The following PLCXD1 variants were observed in gnomAD, a reference collection of about 807,000 sequenced individuals.
PLCXD1 encodes the protein PI-PLC X domain-containing protein 1.
In PLCXD1, 45 loss-of-function variants were observed where a neutral mutation model predicts 37.8. The ratio of observed to expected loss-of-function variants is 1.19; its 90% CI spans 0.94 to 1.53. The LOEUF is 1.53. PLCXD1 is among the 40% of genes most tolerant of loss of function. PLCXD1 has a pLI of 0.00. For synonymous variants in PLCXD1, 246 were observed against 206.9 expected, an observed-to-expected ratio of 1.19 and a Z score of -1.62; for missense variants, 539 against 454.7, an observed-to-expected ratio of 1.19 and a Z score of -1.69.
Position 288,771 on chromosome X carries a change from TC to T in PLCXD1, c.171del (p.Ile58PhefsTer12). ...DTMTYCLNKK[S>X]PISHEESRLL... ...GATGACGTACTGCCTGAACAAGAAG[TC>T]CCCCATTTCGCACGAGGAGTCCCGG... On this transcript the variant is annotated frameshift_variant, in exon 3 of 7. Coordinates refer to ENST00000381657, the MANE Select transcript of PLCXD1 (RefSeq NM_018390.4). LOFTEE classifies it high-confidence loss of function. 6.2e-7 allele frequency: 1 copy of T among 1,613,634 alleles called. No homozygotes were observed. Among genetic ancestry groups the T allele is most frequent in the African/African-American group, 1.3e-5 (1 of 74,988 alleles).
chrX:291,687 C>G, intron 5 of PLCXD1, 33 bp downstream of exon 5: 1 of 1,608,312 alleles, frequency 6.2e-7, no homozygotes, highest in South Asian at 1.1e-5. Flanking sequence ...CACGTCTCTC[C>G]CGGGGCAGGG....
Position 281,610 on chromosome X carries a change from G to A in PLCXD1, c.-96G>A, listed in dbSNP as rs904943710. 6.6e-6 allele frequency: 1 copy of A among 152,196 alleles called. No homozygotes were observed. The highest frequency in any genetic ancestry group is 2.4e-5 in the African/African-American group (1 of 41,418). The allele number at this position is 152,196 out of a possible 1,614,324, so 9.4% of individuals were successfully genotyped here. On this transcript the variant is annotated 5_prime_UTR_variant, in exon 1 of 7. Coordinates refer to ENST00000381657, the MANE Select transcript of PLCXD1 (RefSeq NM_018390.4). ...GATCTCGTCCTTTCTTGCGGCCCAG[G>A]GAGACCAGGCCTTTCATTCTGGGCT... is the stretch of plus-strand genomic sequence containing the variant.
chrX:276,981 C>A (rs1341212247), upstream of PLCXD1, among the ~76,000 whole-genome samples: 1 of 152,180 alleles, frequency 6.6e-6, no homozygotes, highest in Non-Finnish European at 1.5e-5. Context: ...CACCGGGCGT[C>A]TGGGCCCGTC....
At chrX:295,503 G>A (rs978640554) in intron 6 of PLCXD1, among the ~76,000 whole-genome samples, 15 of 94,926 alleles carry the variant, frequency 1.6e-4, no homozygotes, top group African/African-American at 4.5e-4. Context: ...ACACAGGAAC[G>A]AGGTTTAGAG....
intron 6 of PLCXD1, among the ~76,000 whole-genome samples, chrX:293,549 C>G (rs928985980): frequency 6.6e-6 from 1 of 152,110 alleles, no homozygotes; most frequent in East Asian, 1.9e-4. Flanking sequence ...CACCTGAGGT[C>G]GGGAGTTCGA....
At chrX:276,909 CG>C (rs2069168049), upstream of PLCXD1, among the ~76,000 whole-genome samples, 1 of 152,216 alleles carries the variant, frequency 6.6e-6, no homozygotes, top group Non-Finnish European at 1.5e-5. Context: ...GCCTCTGGGA[CG>C]TGAGTCTCCC....
At position 300,542 on chromosome X, in the gene PLCXD1, GTATA is replaced by G. The variant is rs201544656; in HGVS notation, c.*1209_*1212del. 7 of 149,466 alleles carry G rather than the reference GTATA, an allele frequency of 4.7e-5. No individual in the cohort carries two copies. The highest frequency in any genetic ancestry group is 1.8e-4 in the African/African-American group (7 of 39,222). 9.3% of individuals were successfully genotyped at this position (149,466 alleles called of 1,614,324 possible). A position where few individuals can be genotyped will look rare whatever the true frequency, so the allele number is the denominator to read the frequency against. ...TATGTGTATACGTGTATGCATACATGTATATGTGTATGCATGTATATGTGTATGT... is the reference window on the plus strand; with the variant it reads ...TATGTGTATACGTGTATGCATACATGTGTGTATGCATGTATATGTGTATGT... On this transcript the variant is annotated 3_prime_UTR_variant, in exon 7 of 7. Transcript: ENST00000381657.
At chrX:285,751 A>G (rs1280672576) in intron 2 of PLCXD1, among the ~76,000 whole-genome samples, 3 of 152,200 alleles carry the variant, frequency 2.0e-5, no homozygotes, top group Middle Eastern at 3.4e-3. Flanking sequence ...ACGGACACAC[A>G]TACACATGCA....
At chrX:294,208 C>T (rs1012427577) in intron 6 of PLCXD1, among the ~76,000 whole-genome samples, 37 of 152,084 alleles carry the variant, frequency 2.4e-4, no homozygotes, top group East Asian at 3.9e-4. Context: ...ACAGGCCGGG[C>T]GCGGTGGCTC....
rs192389130 is a variant in PLCXD1 at position 300,528 on chromosome X, G to T, written c.*1193G>T. The T allele has an allele frequency of 6.8e-6, 1 of 146,106 alleles. No individual in the cohort carries two copies. Among genetic ancestry groups the T allele is most frequent in the Non-Finnish European group, 1.5e-5 (1 of 66,940 alleles). 9.1% of individuals were successfully genotyped at this position (146,106 alleles called of 1,614,324 possible). A position where few individuals can be genotyped will look rare whatever the true frequency, so the allele number is the denominator to read the frequency against. On this transcript the variant is annotated 3_prime_UTR_variant, in exon 7 of 7. Coordinates refer to ENST00000381657, the MANE Select transcript of PLCXD1 (RefSeq NM_018390.4). Reference sequence around the variant, plus strand: ...TGTATATGTGTGCATATGTGTATACGTGTATGCATACATGTATATGTGTAT... The same window carrying T: ...TGTATATGTGTGCATATGTGTATACTTGTATGCATACATGTATATGTGTAT...
chrX:276,644 CG>C (rs1177851761), upstream of PLCXD1, among the ~76,000 whole-genome samples: 1 of 152,134 alleles, frequency 6.6e-6, no homozygotes, highest in Non-Finnish European at 1.5e-5. Context: ...AATTCTCTGC[CG>C]GGTCAGAGCC....
chrX:289,191 G>T (rs904397217), intron 3 of PLCXD1, among the ~76,000 whole-genome samples: 1 of 151,934 alleles, frequency 6.6e-6, no homozygotes, highest in Non-Finnish European at 1.5e-5. Context: ...GGGTTCAAGC[G>T]ATTCTCCTGC....
rs755942502 is a variant in PLCXD1 at position 291,598 on chromosome X, G to A, written c.493G>A (p.Glu165Lys). ...CGAGGGGCTGAGCGAGGACCTGCAC[G>A]AGTACCTGGTCGCCTGTATCAAGAA... ...NFEGLSEDLH[E>K]YLVACIKNIF... Residue 165 changes from glutamate (E) to lysine (K), a missense_variant, in exon 5 of 7, where the codon GAG becomes AAG. Glu to Lys is a moderately conservative substitution (Grantham distance 56, BLOSUM62 1). Transcript: ENST00000381657. The A allele has an allele frequency of 5.0e-6, 8 of 1,612,932 alleles. No homozygotes were observed. Among genetic ancestry groups the A allele is most frequent in the Non-Finnish European group, 5.9e-6 (7 of 1,179,848 alleles).
intron 2 of PLCXD1, 67 bp downstream of exon 2, chrX:284,381 G>C: frequency 2.5e-6 from 4 of 1,583,668 alleles, no homozygotes; most frequent in Non-Finnish European, 3.5e-6. Context: ...GGCGGGAGCT[G>C]TGGCGTCTGC....
chrX:283,783 C>G, intron 1 of PLCXD1: 1 of 173,048 alleles, frequency 5.8e-6, no homozygotes. Context: ...GTTGCCAAGC[C>G]GGGTCTAAGA....
chrX:290,519 G>A (rs1018042837), intron 3 of PLCXD1, 129 bp from the exon 4 acceptor site: 2 of 953,628 alleles, frequency 2.1e-6, no homozygotes, highest in Non-Finnish European at 3.2e-6. Context: ...CATACAAACA[G>A]CTGTTGTTAC....
Position 293,146 on chromosome X carries a change from T to A in PLCXD1, c.661T>A (p.Trp221Arg). 6.2e-7 allele frequency: 1 copy of A among 1,612,414 alleles called. No individual in the cohort carries two copies. The highest frequency in any genetic ancestry group is 8.5e-7 in the Non-Finnish European group (1 of 1,179,438). ...CGAGCTGTGGCCAGGAGTCCCCTAC[T>A]GGTGGGGAAACAGGGTGAAGACCGA... ...HHELWPGVPY[W>R]WGNRVKTEAL... Residue 221 changes from tryptophan to arginine, a missense_variant, in exon 6 of 7, where the codon TGG becomes AGG. Coordinates refer to ENST00000381657, the MANE Select transcript of PLCXD1 (RefSeq NM_018390.4).
Position 300,209 on chromosome X carries a change from G to C in PLCXD1, c.*874G>C, listed in dbSNP as rs1435963165. 1 of 152,002 alleles carries C rather than the reference G, an allele frequency of 6.6e-6. No homozygotes were observed. The allele number at this position is 152,002 out of a possible 1,614,324, so 9.4% of individuals were successfully genotyped here. On this transcript the variant is annotated 3_prime_UTR_variant, in exon 7 of 7. Coordinates refer to ENST00000381657, the MANE Select transcript of PLCXD1 (RefSeq NM_018390.4). The stretch of plus-strand genomic sequence containing the variant: ...GCCCATAATATGTTTTCTTATTTCT[G>C]TATTCTCCTTGCTGTGGCGTCTGGA...
Position 291,577 on chromosome X carries a change from G to T in PLCXD1, c.472G>T (p.Gly158Trp). The change falls in exon 5 of 7, where the codon GGG becomes TGG. Residue 158 changes from glycine to tryptophan, a missense_variant. Physicochemically the swap from Gly to Trp is radical, Grantham distance 184 (BLOSUM62 -2). Transcript: ENST00000381657. Reference protein sequence around the residue: ...VVILACRNFEGLSEDLHEYLV... With the variant: ...VVILACRNFEWLSEDLHEYLV... Reference sequence around the variant, plus strand: ...CATCCTGGCCTGCAGAAACTTCGAGGGGCTGAGCGAGGACCTGCACGAGTA... The same window carrying T: ...CATCCTGGCCTGCAGAAACTTCGAGTGGCTGAGCGAGGACCTGCACGAGTA... 6.8e-6 allele frequency: 11 copies of T among 1,613,158 alleles called. 1 individual carries two copies. Among genetic ancestry groups the T allele is most frequent in the Non-Finnish European group, 8.5e-6 (10 of 1,179,856 alleles).
Sources: allele counts gnomAD v4.1 joint callset (sites outside exome capture counted in the v4.1 genomes callset), GRCh38; gene constraint gnomAD v4.1.1; transcripts MANE v1.5; gene names NCBI Gene and HGNC (gene_info 2026-07-23, HGNC 2026-07-21).